VANGL1: variants seen among roughly 807,000 people sequenced by gnomAD.
The protein encoded by VANGL1 is VANGL planar cell polarity protein 1, also known as vang-like protein 1.
In VANGL1, 18 loss-of-function variants were observed where a neutral mutation model predicts 48.4. The ratio of observed to expected loss-of-function variants is 0.37; its 90% CI spans 0.26 to 0.55. The LOEUF is 0.55. Among genes scored for constraint, VANGL1 ranks in the 20% least tolerant of loss-of-function variants. The probability of loss-of-function intolerance (pLI) is 0.81; values close to 1 mark genes in which losing one functional copy is unlikely to be tolerated. For missense variants in VANGL1, 667 were observed against 675.8 expected (o/e 0.99, Z 0.14); for synonymous variants, 257 against 261.8 (o/e 0.98, Z 0.18).
chr1:115,672,188 T>C (rs1652999424), intron 4 of VANGL1, among the ~76,000 whole-genome samples: 1 of 152,138 alleles, frequency 6.6e-6, no homozygotes, highest in African/African-American at 2.4e-5. Context: ...ACTTTGGAGA[T>C]CATTCTGTGA....
chr1:115,649,321 C>G (rs530058115), intron 1 of VANGL1, among the ~76,000 whole-genome samples: 3 of 152,104 alleles, frequency 2.0e-5, no homozygotes, highest in African/African-American at 7.2e-5. Context: ...TAATAGGCTG[C>G]CTTGCTTCCT....
rs770488376 is a variant in VANGL1, at chr1:115,684,011, A to T, written c.1014A>T (p.Ser338=). Residue 338 remains serine (S), a synonymous_variant, in exon 6 of 8, where the codon TCA becomes TCT. Transcript: ENST00000355485. ...MIAAAARRRD[S]SHNELYYEEA... ...CTGCAGCTGCTCGGCGCAGGGACTC[A>T]AGCCACAACGAGTTGTATTATGAAG... 1 of 1,614,202 alleles carries T rather than the reference A, an allele frequency of 6.2e-7. No individual in the cohort carries two copies. Among genetic ancestry groups the T allele is most frequent in the South Asian group, 1.1e-5 (1 of 91,080 alleles).
chr1:115,652,639 T>G (rs887991696), intron 2 of VANGL1, among the ~76,000 whole-genome samples: 4 of 152,186 alleles, frequency 2.6e-5, no homozygotes, highest in Non-Finnish European at 5.9e-5. Context: ...AATGCCCAGC[T>G]CTGCACTGGC....
intron 4 of VANGL1, among the ~76,000 whole-genome samples, chr1:115,676,346 C>G (rs1653165017): frequency 6.6e-6 from 1 of 152,044 alleles, no homozygotes; most frequent in African/African-American, 2.4e-5. Flanking sequence ...CTTTGTGGCC[C>G]CAGTCCCTAA....
At chr1:115,674,946 CTG>C (rs35517432) in intron 4 of VANGL1, among the ~76,000 whole-genome samples, 27,872 of 151,622 alleles carry the variant, frequency 0.18, 3,028 homozygotes, top group South Asian at 0.29. Flanking sequence ...ATGTGTACGT[CTG>C]TGTGTGTGTG....
chr1:115,666,559 A>G (rs1652798268), intron 4 of VANGL1, among the ~76,000 whole-genome samples: 1 of 152,124 alleles, frequency 6.6e-6, no homozygotes, highest in Non-Finnish European at 1.5e-5. Flanking sequence ...TACCATGACC[A>G]ACAACTGTCC....
rs1654054113 is a variant in VANGL1 at position 115,696,978 on chromosome 1, A to G, written c.*5599A>G. 6.6e-6 allele frequency: 1 copy of G among 152,234 alleles called. No individual in the cohort carries two copies. Among genetic ancestry groups the G allele is most frequent in the Non-Finnish European group, 1.5e-5 (1 of 68,032 alleles). The allele number at this position is 152,234 out of a possible 1,614,324, so 9.4% of individuals were successfully genotyped here. ...ACTGAAATGGTATTTGGGAAGCATT[A>G]TTTGAATGTACAGTTGTTTGGTTTT... On this transcript the variant is annotated 3_prime_UTR_variant, in exon 8 of 8. Transcript: ENST00000355485.
intron 1 of VANGL1, among the ~76,000 whole-genome samples, chr1:115,646,261 T>G (rs1199977640): frequency 1.6e-4 from 25 of 152,102 alleles, no homozygotes; most frequent in Non-Finnish European, 5.9e-5. Flanking sequence ...TATCTCCCAT[T>G]GTTGACCTTG....
intron 4 of VANGL1, among the ~76,000 whole-genome samples, chr1:115,680,350 G>A (rs548209817): frequency 6.6e-6 from 1 of 152,278 alleles, no homozygotes; most frequent in East Asian, 1.9e-4. Flanking sequence ...TCACTGTCAT[G>A]GGGTTCATGC....
chr1:115,647,972 T>C (rs994847063), intron 1 of VANGL1, among the ~76,000 whole-genome samples: 18 of 152,216 alleles, frequency 1.2e-4, no homozygotes, highest in African/African-American at 4.3e-4. Flanking sequence ...ACGTAGTTGC[T>C]GTGTTCAAGG....
At position 115,693,498 on chromosome 1, in the gene VANGL1, G is replaced by A. The variant is rs1438134872; in HGVS notation, c.*2119G>A. 6.6e-6 allele frequency: 1 copy of A among 152,590 alleles called. No individual in the cohort carries two copies. Among genetic ancestry groups the A allele is most frequent in the East Asian group, 1.9e-4 (1 of 5,198 alleles). 9.5% of individuals were successfully genotyped at this position (152,590 alleles called of 1,614,324 possible). On this transcript the variant is annotated 3_prime_UTR_variant, in exon 8 of 8. Transcript: ENST00000355485. The stretch of plus-strand genomic sequence containing the variant: ...CTCTGGCATGTGCATTCCCAGCAGG[G>A]TGAAGAAAGGTTTAAATTAAAGAAT...
rs10923178 is a variant in VANGL1 at position 115,682,809 on chromosome 1, G to T, written c.946+312G>T. ...TAGGAAAGGGTTGCTTTTCAAAATTGGTGCACATTACCCACAAACTCAGAA... is the reference window on the plus strand; with the variant it reads ...TAGGAAAGGGTTGCTTTTCAAAATTTGTGCACATTACCCACAAACTCAGAA... On this transcript the variant is annotated intron_variant, in intron 5 of 7. Coordinates refer to ENST00000355485, the MANE Select transcript of VANGL1 (RefSeq NM_138959.3). Among the ~76,000 whole-genome samples the T allele has an allele frequency of 0.65, 98,503 of 151,942 alleles. 32,207 individuals are homozygous for T. Among genetic ancestry groups the T allele is most frequent in the South Asian group, 0.75 (3,616 of 4,824 alleles).
At chr1:115,688,690 A>G (rs959290126) in intron 7 of VANGL1, among the ~76,000 whole-genome samples, 1 of 136,530 alleles carries the variant, frequency 7.3e-6, no homozygotes, top group Admixed American at 7.6e-5. Flanking sequence ...GAGATTTTTT[A>G]TTTCCCACAT....
At chr1:115,683,498 TTTC>T (rs1300195225) in intron 5 of VANGL1, among the ~76,000 whole-genome samples, 2 of 152,212 alleles carry the variant, frequency 1.3e-5, no homozygotes, top group African/African-American at 4.8e-5. Context: ...GTCCTTTGAC[TTTC>T]TTTTTTGTCT....
At chr1:115,669,467 A>T (rs1652898135) in intron 4 of VANGL1, among the ~76,000 whole-genome samples, 1 of 152,236 alleles carries the variant, frequency 6.6e-6, no homozygotes, top group Admixed American at 6.5e-5. Context: ...CTTGAATTAT[A>T]GCTCCCATAA....
In VANGL1 at chr1:115,696,283, C is replaced by A; in HGVS notation, c.*4904C>A. Reference sequence around the variant, plus strand: ...CCTGGTTGGAGTGAGAGGGGCTGTCCACAGCCCCATCCTGTGGGGATCTCA... The same window carrying A: ...CCTGGTTGGAGTGAGAGGGGCTGTCAACAGCCCCATCCTGTGGGGATCTCA... On this transcript the variant is annotated 3_prime_UTR_variant, in exon 8 of 8. Coordinates refer to ENST00000355485, the MANE Select transcript of VANGL1 (RefSeq NM_138959.3). 6.6e-6 allele frequency: 1 copy of A among 152,406 alleles called. No homozygotes were observed. The highest frequency in any genetic ancestry group is 1.5e-5 in the Non-Finnish European group (1 of 68,108). 9.4% of individuals were successfully genotyped at this position (152,406 alleles called of 1,614,324 possible). A position where few individuals can be genotyped will look rare whatever the true frequency, so the allele number is the denominator to read the frequency against.
At position 115,696,051 on chromosome 1, in the gene VANGL1, C is replaced by G. The variant is rs989233182; in HGVS notation, c.*4672C>G. 3 of 152,218 alleles carry G rather than the reference C, an allele frequency of 2.0e-5. No individual in the cohort carries two copies. The highest frequency in any genetic ancestry group is 2.4e-5 in the African/African-American group (1 of 41,448). The allele number at this position is 152,218 out of a possible 1,614,324, so 9.4% of individuals were successfully genotyped here. ...AACTTGAGAATCCCTTCTGGAAAAC[C>G]CAGCCTTTCAGTGTTAACACCTGCT... On this transcript the variant is annotated 3_prime_UTR_variant, in exon 8 of 8. Coordinates refer to ENST00000355485, the MANE Select transcript of VANGL1 (RefSeq NM_138959.3).
intron 2 of VANGL1, among the ~76,000 whole-genome samples, chr1:115,655,670 C>T (rs919092893): frequency 6.6e-6 from 1 of 152,224 alleles, no homozygotes; most frequent in Non-Finnish European, 1.5e-5. Flanking sequence ...TGTAACACCT[C>T]TCCCTGTGGC....
At chr1:115,690,863 C>T (rs1243890161) in intron 7 of VANGL1, among the ~76,000 whole-genome samples, 1 of 152,314 alleles carries the variant, frequency 6.6e-6, no homozygotes, top group East Asian at 1.9e-4. Context: ...TTTCCCTCCC[C>T]TCTGTGGGTA....
Sources: gnomAD v4.1 joint callset for allele counts (sites outside exome capture counted in the v4.1 genomes callset) on GRCh38, gnomAD v4.1.1 for gene constraint, MANE v1.5 for transcripts, NCBI Gene and HGNC (gene_info 2026-07-23, HGNC 2026-07-21) for gene names.